The following EFCAB5 variants were observed in gnomAD, a reference collection of about 807,000 sequenced individuals.
EFCAB5 encodes the protein EF-hand calcium-binding domain-containing protein 5.
In EFCAB5, 131 loss-of-function variants were observed where a neutral mutation model predicts 167.9. The ratio of observed to expected loss-of-function variants is 0.78; its 90% confidence interval spans 0.68 to 0.90. The LOEUF is 0.90. EFCAB5 is among the 40% of genes least tolerant of loss of function. The pLI is 0.00. For missense variants in EFCAB5, 1,663 were observed against 1,745.2 expected, an observed-to-expected ratio of 0.95 and a Z score of 0.84; for synonymous variants, 574 against 602.8, an observed-to-expected ratio of 0.95 and a Z score of 0.70.
chr17:29,959,482 C>T lies in EFCAB5; in HGVS notation c.191-9309C>T, dbSNP rs754354369. On this transcript the variant is annotated intron_variant, in intron 3 of 22. Transcript: ENST00000394835. ...AGCCTGCACGGCACTGGGTCTCACC[C>T]AAGGCAGTGAGTACTGCCTGGCTAC... Among the ~76,000 whole-genome samples, 111 of 152,100 alleles carry T rather than the reference C, an allele frequency of 7.3e-4. 1 individual carries two copies. The highest frequency in any genetic ancestry group is 5.0e-4 in the Non-Finnish European group (34 of 68,006).
intron 14 of EFCAB5, chr17:30,069,596 T>A: frequency 6.2e-7 from 1 of 1,613,178 alleles, no homozygotes; most frequent in Non-Finnish European, 8.5e-7. Flanking sequence ...CGTGATGTGC[T>A]CCTTCTCCTT....
intron 7 of EFCAB5, among the ~76,000 whole-genome samples, chr17:30,029,301 C>T (rs951295123): frequency 6.6e-6 from 1 of 152,122 alleles, no homozygotes; most frequent in African/African-American, 2.4e-5. Flanking sequence ...CACAGTTTAG[C>T]CTAGCCCATC....
At chr17:29,957,014 C>A (rs2067629383) in intron 3 of EFCAB5, among the ~76,000 whole-genome samples, 1 of 152,114 alleles carries the variant, frequency 6.6e-6, no homozygotes, top group Admixed American at 6.5e-5. Context: ...AAATGGGCAT[C>A]CTTATTTTGC....
At chr17:29,983,358 G>A (rs2068217014) in intron 4 of EFCAB5, among the ~76,000 whole-genome samples, 1 of 152,194 alleles carries the variant, frequency 6.6e-6, no homozygotes, top group South Asian at 2.1e-4. Context: ...AAGCCCCAGT[G>A]TTCAAGTACT....
chr17:30,034,329 G>A lies in EFCAB5; in HGVS notation c.1144G>A (p.Ala382Thr), dbSNP rs2069561077. The change falls in exon 8 of 23, where the codon GCT (alanine) becomes ACT (threonine). Residue 382 changes from alanine to threonine, a missense_variant. Physicochemically the swap from Ala to Thr is moderately conservative, Grantham distance 58. Coordinates refer to ENST00000394835, the MANE Select transcript of EFCAB5 (RefSeq NM_198529.4). ...AGATGAATTTCGGGAGGTCATAAAA[G>A]CTGACATGCGGAGGCAGATGTTCGC... ...SADEFREVIK[A>T]DMRRQMFAEL... is the part of the protein sequence containing the mutation. The A allele has an allele frequency of 6.2e-7, 1 of 1,613,228 alleles. No individual in the cohort carries two copies. Among genetic ancestry groups the A allele is most frequent in the Non-Finnish European group, 8.5e-7 (1 of 1,179,490 alleles).
intron 4 of EFCAB5, among the ~76,000 whole-genome samples, chr17:29,983,860 G>T (rs746099043): frequency 1.3e-5 from 2 of 152,126 alleles, no homozygotes; most frequent in Non-Finnish European, 2.9e-5. Flanking sequence ...TAAATGGGAG[G>T]AAATGATGTC....
chr17:29,954,151 A>G (rs1459773984), intron 3 of EFCAB5, among the ~76,000 whole-genome samples: 1 of 152,206 alleles, frequency 6.6e-6, no homozygotes, highest in Non-Finnish European at 1.5e-5. Flanking sequence ...TATGCAATAA[A>G]AAAGAAAACC....
chr17:29,934,416 T>A (rs1181068113), intron 1 of EFCAB5, among the ~76,000 whole-genome samples: 1 of 152,304 alleles, frequency 6.6e-6, no homozygotes, highest in East Asian at 1.9e-4. Flanking sequence ...TTGATAAAGG[T>A]CTAATTTGCA....
intron 4 of EFCAB5, among the ~76,000 whole-genome samples, chr17:29,973,323 T>C (rs2067997006): frequency 6.6e-6 from 1 of 152,130 alleles, no homozygotes. Context: ...TCTTCAAAAG[T>C]GGGTAAGGCA....
At chr17:30,049,593 C>G (rs574680237) in intron 8 of EFCAB5, among the ~76,000 whole-genome samples, 1 of 150,542 alleles carries the variant, frequency 6.6e-6, no homozygotes, top group Non-Finnish European at 1.5e-5. Context: ...AGAGGAAAAA[C>G]CCATACATAT....
At chr17:29,940,811 G>T (rs1426932813), upstream of EFCAB5, among the ~76,000 whole-genome samples, 1 of 152,092 alleles carries the variant, frequency 6.6e-6, no homozygotes, top group Non-Finnish European at 1.5e-5. Context: ...AGGCTGAGGA[G>T]GGTGGATCAC....
chr17:30,024,265 T>C (rs2069257120), intron 7 of EFCAB5, among the ~76,000 whole-genome samples: 2 of 152,078 alleles, frequency 1.3e-5, no homozygotes, highest in South Asian at 4.1e-4. Context: ...GATGACATGA[T>C]TGTATATCTA....
chr17:30,041,125 C>T (rs1293311354), intron 8 of EFCAB5, among the ~76,000 whole-genome samples: 1 of 152,086 alleles, frequency 6.6e-6, no homozygotes, highest in African/African-American at 2.4e-5. Flanking sequence ...ATTGTTCCAT[C>T]TGTGATTGAG....
chr17:30,019,255 A>T (rs1195340472), intron 7 of EFCAB5, among the ~76,000 whole-genome samples: 1 of 151,810 alleles, frequency 6.6e-6, no homozygotes, highest in African/African-American at 2.4e-5. Flanking sequence ...ATTCTGATAA[A>T]TACCAAGCTG....
chr17:30,009,488 T>G (rs894343170), intron 7 of EFCAB5, among the ~76,000 whole-genome samples: 2 of 152,238 alleles, frequency 1.3e-5, no homozygotes, highest in Non-Finnish European at 2.9e-5. Flanking sequence ...ATATACAATA[T>G]GTGGTCTTTT....
intron 7 of EFCAB5, among the ~76,000 whole-genome samples, chr17:30,012,513 C>A (rs530242892): frequency 3.9e-5 from 6 of 152,264 alleles, no homozygotes; most frequent in African/African-American, 1.4e-4. Context: ...AGGGAAGGGC[C>A]CCCTGTCCAG....
intron 1 of EFCAB5, chr17:29,930,059 A>G (rs1597536457): frequency 6.0e-6 from 2 of 332,098 alleles, no homozygotes; most frequent in African/African-American, 4.2e-5. Flanking sequence ...GGGGGACGGG[A>G]GGGTGACGGA....
chr17:30,042,138 A>G (rs768410909), intron 8 of EFCAB5, among the ~76,000 whole-genome samples: 4 of 151,920 alleles, frequency 2.6e-5, no homozygotes, highest in Non-Finnish European at 5.9e-5. Flanking sequence ...CCTCTGGAGT[A>G]GCTGGGATTA....
intron 7 of EFCAB5, among the ~76,000 whole-genome samples, chr17:30,004,219 G>A (rs2068727343): frequency 6.6e-6 from 1 of 152,214 alleles, no homozygotes; most frequent in Non-Finnish European, 1.5e-5. Context: ...CCTGTGCAAG[G>A]TTTCCTTAGC....
Sources: allele counts gnomAD v4.1 joint callset (sites outside exome capture counted in the v4.1 genomes callset), GRCh38; gene constraint gnomAD v4.1.1; transcripts MANE v1.5; gene names NCBI Gene and HGNC (gene_info 2026-07-23, HGNC 2026-07-21).